The following BHLHE40 variants were observed in gnomAD, a reference collection of about 807,000 sequenced individuals.
The protein encoded by BHLHE40 is basic helix-loop-helix family member e40.
A neutral mutation model predicts 35.7 loss-of-function variants in BHLHE40; 3 were observed. The observed-to-expected ratio is 0.08, with a 90% confidence interval of 0.04 to 0.22. BHLHE40 has a LOEUF of 0.22. BHLHE40 is among the 10% of genes least tolerant of loss of function. The probability of loss-of-function intolerance (pLI) is 1.00; values close to 1 mark genes in which losing one functional copy is unlikely to be tolerated. For synonymous variants in BHLHE40, 236 were observed against 213.0 expected (o/e 1.11, Z -0.94); for missense variants, 486 against 524.0 (o/e 0.93, Z 0.71).
chr3:4,983,893 T>G lies in BHLHE40; in HGVS notation c.*201T>G. The stretch of plus-strand genomic sequence containing the variant: ...GTGCACATGTGTGCCTGCGTGTTGG[T>G]ATAGGACTTTAAAGCTCCTTTTGGC... On this transcript the variant is annotated 3_prime_UTR_variant, in exon 5 of 5. Transcript: ENST00000256495. This position sits in a 1 kb window ranked among gnomAD's most constrained non-coding sequence, Gnocchi z 5.0. The G allele has an allele frequency of 1.4e-6, 1 of 697,734 alleles. No homozygotes were observed. The highest frequency in any genetic ancestry group is 2.3e-6 in the Non-Finnish European group (1 of 441,024). The allele number at this position is 697,734 out of a possible 1,614,324, so 43.2% of individuals were successfully genotyped here.
intron 3 of BHLHE40, among the ~76,000 whole-genome samples, chr3:4,980,842 C>T (rs1035004634): frequency 7.9e-5 from 12 of 151,218 alleles, no homozygotes; most frequent in African/African-American, 2.7e-4. Context: ...CAGTAGCCCT[C>T]GGCTACTTCG....
chr3:4,979,744 C>T lies in BHLHE40; in HGVS notation c.26C>T (p.Pro9Leu), dbSNP rs2053173242. ...ATGGAGCGGATCCCCAGCGCGCAAC[C>T]ACCCCCCGCCTGCCTGCCCAAAGCA... MERIPSAQ[P>L]PPACLPKAPG... is the part of the protein sequence containing the mutation. Residue 9 changes from proline (P) to leucine (L), a missense_variant, in exon 1 of 5, where the codon CCA becomes CTA. Coordinates refer to ENST00000256495, the MANE Select transcript of BHLHE40 (RefSeq NM_003670.3). 6.4e-7 allele frequency: 1 copy of T among 1,573,846 alleles called. No homozygotes were observed. Among genetic ancestry groups the T allele is most frequent in the East Asian group, 2.4e-5 (1 of 41,954 alleles).
chr3:4,984,657 G>A lies in BHLHE40; in HGVS notation c.*965G>A, dbSNP rs1296390296. 1 of 152,648 alleles carries A rather than the reference G, an allele frequency of 6.6e-6. No homozygotes were observed. 9.5% of individuals were successfully genotyped at this position (152,648 alleles called of 1,614,324 possible). A position where few individuals can be genotyped will look rare whatever the true frequency, so the allele number is the denominator to read the frequency against. On this transcript the variant is annotated 3_prime_UTR_variant, in exon 5 of 5. Transcript: ENST00000256495. Reference sequence around the variant, plus strand: ...CTTCTCAAAGGCCTAACCAAGCCTTGGCACCGCCAGATCCTTTCTGTAGGC... The same window carrying A: ...CTTCTCAAAGGCCTAACCAAGCCTTAGCACCGCCAGATCCTTTCTGTAGGC...
chr3:4,980,196 T>A (rs963629490), intron 2 of BHLHE40, 105 bp from the exon 3 acceptor site: 10 of 1,143,768 alleles, frequency 8.7e-6, no homozygotes, highest in African/African-American at 1.5e-5. Context: ...TTCTGGGTGC[T>A]ACTCTGCTAC....
At position 4,979,459 on chromosome 3, in the gene BHLHE40, A is replaced by C. The variant is rs1292150085; in HGVS notation, c.-260A>C. 7.3e-6 allele frequency: 2 copies of C among 275,274 alleles called. No homozygotes were observed. The highest frequency in any genetic ancestry group is 2.3e-5 in the African/African-American group (1 of 42,644). The allele number at this position is 275,274 out of a possible 1,614,324, so 17.1% of individuals were successfully genotyped here. On this transcript the variant is annotated 5_prime_UTR_variant, in exon 1 of 5. Coordinates refer to ENST00000256495, the MANE Select transcript of BHLHE40 (RefSeq NM_003670.3). The stretch of plus-strand genomic sequence containing the variant: ...CTCATTCACTTGGCTCGCACGGCGC[A>C]GACAGACCGCGCAGGGAGCACACAC...
rs923401766 is a variant in BHLHE40 at position 4,979,633 on chromosome 3, C to A, written c.-86C>A. On this transcript the variant is annotated 5_prime_UTR_variant, in exon 1 of 5. Coordinates refer to ENST00000256495, the MANE Select transcript of BHLHE40 (RefSeq NM_003670.3). ...ACTCAGAGGAACATCTGCGGAGAGA[C>A]CCCCGAAGCCCTCTCCAGGGCAGTC... 2.4e-5 allele frequency: 33 copies of A among 1,353,588 alleles called. No individual in the cohort carries two copies. The African/African-American group carries it at 4.5e-4, about 18-fold the overall frequency. 83.8% of individuals were successfully genotyped at this position (1,353,588 alleles called of 1,614,324 possible). A position where few individuals can be genotyped will look rare whatever the true frequency, so the allele number is the denominator to read the frequency against.
chr3:4,981,199 C>T lies in BHLHE40; in HGVS notation c.259-193C>T, dbSNP rs987148670. On this transcript the variant is annotated intron_variant, in intron 3 of 4. Coordinates refer to ENST00000256495, the MANE Select transcript of BHLHE40 (RefSeq NM_003670.3). ...TTATATATATATACACACACACACACACACACACACACACACACATATATG... is the reference window on the plus strand; with the variant it reads ...TTATATATATATACACACACACACATACACACACACACACACACATATATG... Among the ~76,000 whole-genome samples, 411 of 146,078 alleles carry T rather than the reference C, an allele frequency of 2.8e-3. 5 individuals carry two copies. Among genetic ancestry groups the T allele is most frequent in the Admixed American group, 5.8e-3 (85 of 14,624 alleles).
At chr3:4,979,872 G>C (rs746530164) in intron 1 of BHLHE40, 74 bp downstream of exon 1, 3 of 1,605,844 alleles carry the variant, frequency 1.9e-6, no homozygotes, top group Non-Finnish European at 2.6e-6. Context: ...ACTTGGAGCA[G>C]CTCCGGGCGC....
chr3:4,981,568 AG>A (rs2053198201), intron 4 of BHLHE40, 53 bp downstream of exon 4: 1 of 1,594,386 alleles, frequency 6.3e-7, no homozygotes, highest in Non-Finnish European at 8.5e-7. Context: ...GCAAATAGAG[AG>A]CCCGTGGGCT....
rs1262237193 is a variant in BHLHE40 at position 4,981,456 on chromosome 3, C to G, written c.323C>G (p.Thr108Arg). Residue 108 changes from threonine (T) to arginine (R), a missense_variant, in exon 4 of 5, where the codon ACA (threonine) becomes AGA (arginine). Thr to Arg is a moderately conservative substitution (Grantham distance 71). This residue lies in a region of BHLHE40 where 176 missense variants were observed against 180.5 expected (regional missense o/e 0.98). Coordinates refer to ENST00000256495, the MANE Select transcript of BHLHE40 (RefSeq NM_003670.3). The part of the protein sequence containing the change: ...ELTLKHVKAL[T>R]NLIDQQQQKI... ...ACCTTGAAGCATGTGAAAGCACTAACAAACCTAATTGATCAGCAGCAGCAG... is the reference window on the plus strand; with the variant it reads ...ACCTTGAAGCATGTGAAAGCACTAAGAAACCTAATTGATCAGCAGCAGCAG... 6.2e-7 allele frequency: 1 copy of G among 1,614,094 alleles called. No individual in the cohort carries two copies. Among genetic ancestry groups the G allele is most frequent in the Non-Finnish European group, 8.5e-7 (1 of 1,179,990 alleles).
In BHLHE40 at chr3:4,983,941, C is replaced by G; in HGVS notation, c.*249C>G. The stretch of plus-strand genomic sequence containing the variant: ...GGCATAGGGAAGTCACGAAGGATTG[C>G]TTGACATCAGGAGACTTGGGGGGGA... On this transcript the variant is annotated 3_prime_UTR_variant, in exon 5 of 5. Coordinates refer to ENST00000256495, the MANE Select transcript of BHLHE40 (RefSeq NM_003670.3). This position sits in a 1 kb window ranked among gnomAD's most constrained non-coding sequence, Gnocchi z 5.0. 2.0e-6 allele frequency: 1 copy of G among 507,258 alleles called. No individual in the cohort carries two copies. The highest frequency in any genetic ancestry group is 3.4e-6 in the Non-Finnish European group (1 of 291,864). The allele number at this position is 507,258 out of a possible 1,614,324, so 31.4% of individuals were successfully genotyped here. A position where few individuals can be genotyped will look rare whatever the true frequency, so the allele number is the denominator to read the frequency against.
chr3:4,980,026 A>T lies in BHLHE40; in HGVS notation c.145A>T (p.Ser49Cys). ...SRRGIKRSED[S>C]KETYKLPHRL... The stretch of plus-strand genomic sequence containing the variant: ...ACGGGGAATAAAGCGGAGCGAGGAC[A>T]GCAAGGTAAGCAAGTGCACCCCTAG... Residue 49 changes from serine (S) to cysteine (C), a missense_variant, in exon 2 of 5, where the codon AGC (serine) becomes TGC (cysteine). Transcript: ENST00000256495. 2 of 1,614,146 alleles carry T rather than the reference A, an allele frequency of 1.2e-6. No individual in the cohort carries two copies. Among genetic ancestry groups the T allele is most frequent in the African/African-American group, 2.7e-5 (2 of 75,046 alleles).
At chr3:4,981,587 T>A in intron 4 of BHLHE40, 72 bp downstream of exon 4, 3 of 1,554,308 alleles carry the variant, frequency 1.9e-6, no homozygotes, top group Non-Finnish European at 2.6e-6. Flanking sequence ...GCTCAACATC[T>A]GATGTAATAA....
intron 4 of BHLHE40, among the ~76,000 whole-genome samples, 163 bp from the exon 5 acceptor site, chr3:4,982,673 T>C (rs1350443676): frequency 1.3e-5 from 2 of 152,190 alleles, no homozygotes; most frequent in Admixed American, 1.3e-4. Context: ...TACTTTTCAG[T>C]GTAATTCTTC....
chr3:4,979,824 A>C (rs1206310775), intron 1 of BHLHE40, 26 bp downstream of exon 1: 2 of 1,590,398 alleles, frequency 1.3e-6, no homozygotes, highest in South Asian at 2.3e-5. Context: ...TTGGCCCTTC[A>C]AGCCTCAACT....
rs1260686700 is a variant in BHLHE40, at chr3:4,985,123, A to G, written c.*1431A>G. On this transcript the variant is annotated 3_prime_UTR_variant, in exon 5 of 5. Coordinates refer to ENST00000256495, the MANE Select transcript of BHLHE40 (RefSeq NM_003670.3). ...TGTAAATATTTTTATCTATGAGTAA[A>G]TGTTAAGTAGTTGTTTTAAAATACT... 6.6e-5 allele frequency: 10 copies of G among 152,542 alleles called. No homozygotes were observed. Among genetic ancestry groups the G allele is most frequent in the Admixed American group, 6.5e-4 (10 of 15,272 alleles). 9.4% of individuals were successfully genotyped at this position (152,542 alleles called of 1,614,324 possible).
In BHLHE40 at chr3:4,983,382, C is replaced by T. The variant is rs138378123; in HGVS notation, c.929C>T (p.Pro310Leu). Residue 310 changes from proline to leucine, a missense_variant, in exon 5 of 5, where the codon CCG becomes CTG. Physicochemically the swap from Pro to Leu is moderately conservative, Grantham distance 98. Coordinates refer to ENST00000256495, the MANE Select transcript of BHLHE40 (RefSeq NM_003670.3). The surrounding 1 kb of genome is among the most constrained non-coding windows in gnomAD (Gnocchi z 5.0). ...HFTSSDLISS[P>L]FLGPHPHQPP... ...ACTAGCAGTGACCTGATCAGCTCCC[C>T]GTTCCTGGGCCCACACCCACACCAG... is the stretch of plus-strand genomic sequence containing the variant. The T allele has an allele frequency of 3.0e-5, 49 of 1,614,048 alleles. No homozygotes were observed. Among genetic ancestry groups the T allele is most frequent in the Non-Finnish European group, 4.0e-5 (47 of 1,180,044 alleles).
intron 1 of BHLHE40, 68 bp from the exon 2 acceptor site, chr3:4,979,894 C>G (rs1559236036): frequency 6.2e-7 from 1 of 1,609,688 alleles, no homozygotes; most frequent in Non-Finnish European, 8.5e-7. Context: ...CCGGGAGGTT[C>G]TTGCCCGGCA....
At chr3:4,982,451 T>A (rs1211975798) in intron 4 of BHLHE40, among the ~76,000 whole-genome samples, 1 of 152,232 alleles carries the variant, frequency 6.6e-6, no homozygotes, top group African/African-American at 2.4e-5. Flanking sequence ...GGTGCAATGT[T>A]GTATGCATTG....
Sources: allele counts gnomAD v4.1 joint callset (sites outside exome capture counted in the v4.1 genomes callset), GRCh38; gene constraint gnomAD v4.1.1; regional missense constraint gnomAD v4.1.1; non-coding constraint Gnocchi (gnomAD v3.1); transcripts MANE v1.5; gene names NCBI Gene and HGNC (gene_info 2026-07-23, HGNC 2026-07-21).